RYR2: variants seen among roughly 807,000 people sequenced by gnomAD.
RYR2 encodes ryanodine receptor 2, also known as cardiac muscle ryanodine receptor-calcium release channel.
In RYR2, 227 loss-of-function variants were observed where a neutral mutation model predicts 601.1. The observed-to-expected ratio is 0.38, with a 90% CI of 0.34 to 0.42. RYR2 has a LOEUF of 0.42. Among genes scored for constraint, RYR2 ranks in the 10% least tolerant of loss-of-function variants. RYR2 has a pLI of 1.00. For synonymous variants in RYR2, 2,223 were observed against 2,175.1 expected, an observed-to-expected ratio of 1.02 and a Z score of -0.61; for missense variants, 4,646 against 6,156.5, an observed-to-expected ratio of 0.75 and a Z score of 8.21.
At chr1:237,723,983 A>G (rs1689973996) in intron 74 of RYR2, among the ~76,000 whole-genome samples, 1 of 151,884 alleles carries the variant, frequency 6.6e-6, no homozygotes, top group Non-Finnish European at 1.5e-5. Context: ...ACAGAGATAT[A>G]TTATCTATTT....
intron 21 of RYR2, among the ~76,000 whole-genome samples, chr1:237,502,767 C>T (rs1464354615): frequency 6.6e-6 from 1 of 151,554 alleles, no homozygotes; most frequent in East Asian, 1.9e-4. Context: ...GTTGGGGCCC[C>T]TGCTTCAGAG....
At chr1:237,335,449 C>A (rs545040948) in intron 3 of RYR2, among the ~76,000 whole-genome samples, 6 of 152,104 alleles carry the variant, frequency 3.9e-5, no homozygotes, top group South Asian at 4.1e-4. Flanking sequence ...ACTGAAAGTT[C>A]TTTTTCAAAT....
chr1:237,537,657 G>A (rs1427800697), intron 25 of RYR2, among the ~76,000 whole-genome samples: 1 of 152,008 alleles, frequency 6.6e-6, no homozygotes, highest in African/African-American at 2.4e-5. Flanking sequence ...ATACTATAGA[G>A]CAGTTAAAAT....
In RYR2 at chr1:237,655,918, T is replaced by G; in HGVS notation, c.8063T>G (p.Met2688Arg). 1 of 1,613,178 alleles carries G rather than the reference T, an allele frequency of 6.2e-7. No individual in the cohort carries two copies. Among genetic ancestry groups the G allele is most frequent in the Non-Finnish European group, 8.5e-7 (1 of 1,179,500 alleles). The change falls in exon 53 of 105, where the codon ATG becomes AGG. Residue 2688 changes from methionine to arginine, a missense_variant. Met to Arg is a moderately conservative substitution (Grantham distance 91, BLOSUM62 -1). Around this residue, in one of 17 missense-constraint regions of RYR2, gnomAD observed 1,497 missense variants for 1,842.6 expected, o/e 0.81. Coordinates refer to ENST00000366574, the MANE Select transcript of RYR2 (RefSeq NM_001035.3). The stretch of plus-strand genomic sequence containing the variant: ...TACATGGAGTCAAATTATGTCAGTA[T>G]GATGGAAAAACAGTCATCAATGGAT... ...PDYMESNYVS[M>R]MEKQSSMDSE...
At chr1:237,263,233 C>A (rs1318022050) in intron 1 of RYR2, among the ~76,000 whole-genome samples, 2 of 152,142 alleles carry the variant, frequency 1.3e-5, no homozygotes, top group Non-Finnish European at 2.9e-5. Context: ...TAAATAAGAT[C>A]TTACCTTGGC....
At chr1:237,307,227 C>T (rs754223328) in intron 2 of RYR2, among the ~76,000 whole-genome samples, 1 of 152,148 alleles carries the variant, frequency 6.6e-6, no homozygotes, top group African/African-American at 2.4e-5. Context: ...TTGCTCTTTA[C>T]ATCATGAGGA....
chr1:237,448,509 T>C (rs1657665000), intron 14 of RYR2, among the ~76,000 whole-genome samples: 1 of 152,150 alleles, frequency 6.6e-6, no homozygotes, highest in Non-Finnish European at 1.5e-5. Flanking sequence ...GTCAATTTAG[T>C]ATTATTTAGA....
At position 237,778,773 on chromosome 1, in the gene RYR2, AAACT is replaced by A. The variant is rs773240729; in HGVS notation, c.11880+12_11880+15del. 62 of 1,504,682 alleles carry A rather than the reference AAACT, an allele frequency of 4.1e-5. No homozygotes were observed. The highest frequency in any genetic ancestry group is 3.8e-4 in the East Asian group (17 of 44,414). The allele number at this position is 1,504,682 out of a possible 1,614,324, so 93.2% of individuals were successfully genotyped here. ...ATATGCAGATGAAGCTGTCGCAGGTAAACTAACTAACTGCCTTCCTCTCTCTTAA... is the reference window on the plus strand; with the variant it reads ...ATATGCAGATGAAGCTGTCGCAGGTAAACTAACTGCCTTCCTCTCTCTTAA... On this transcript the variant is annotated splice_donor_5th_base_variant and intron_variant, in intron 88 of 104. Transcript: ENST00000366574.
rs1034686449 is a variant in RYR2, at chr1:237,607,633, A to G, written c.4684-3129A>G. ...CTAATAGAATTTGTAGATGAATGGAATTCAGGATCTCAAGGAGACTGAGAA... is the reference window on the plus strand; with the variant it reads ...CTAATAGAATTTGTAGATGAATGGAGTTCAGGATCTCAAGGAGACTGAGAA... On this transcript the variant is annotated intron_variant, in intron 35 of 104. Transcript: ENST00000366574. Among the ~76,000 whole-genome samples the G allele has an allele frequency of 2.0e-5, 3 of 152,352 alleles. No homozygotes were observed. In the East Asian group the frequency reaches 5.8e-4, roughly 29 times the overall value.
At chr1:237,349,341 G>A (rs1266426616) in intron 3 of RYR2, among the ~76,000 whole-genome samples, 1 of 152,058 alleles carries the variant, frequency 6.6e-6, no homozygotes, top group Non-Finnish European at 1.5e-5. Context: ...CTGTATTATA[G>A]CCAGATAAAA....
In RYR2 at chr1:237,042,718, C is replaced by G. The variant is rs1660062922; in HGVS notation, c.48+149C>G. 4.2e-6 allele frequency: 3 copies of G among 720,478 alleles called. No homozygotes were observed. In the Admixed American group the frequency reaches 1.3e-4, roughly 32 times the overall value. 44.6% of individuals were successfully genotyped at this position (720,478 alleles called of 1,614,324 possible). A position where few individuals can be genotyped will look rare whatever the true frequency, so the allele number is the denominator to read the frequency against. The stretch of plus-strand genomic sequence containing the variant: ...AGGATGCGGGAGGAGCGGGCATCAC[C>G]AAGTGTGTGCAGGTGTGCGTGTTGG... On this transcript the variant is annotated intron_variant, in intron 1 of 104. Transcript: ENST00000366574.
intron 1 of RYR2, among the ~76,000 whole-genome samples, chr1:237,193,414 C>A (rs1052176270): frequency 1.3e-5 from 2 of 152,066 alleles, no homozygotes; most frequent in African/African-American, 4.8e-5. Context: ...GAGCAGAGAT[C>A]GCGCCACTGC....
At chr1:237,223,100 G>A (rs937846992) in intron 1 of RYR2, among the ~76,000 whole-genome samples, 1 of 152,086 alleles carries the variant, frequency 6.6e-6, no homozygotes, top group African/African-American at 2.4e-5. Context: ...CAAAACAACC[G>A]CTGTATTGTT....
chr1:237,110,916 G>A (rs1669397342), intron 1 of RYR2, among the ~76,000 whole-genome samples: 1 of 152,164 alleles, frequency 6.6e-6, no homozygotes, highest in Middle Eastern at 3.2e-3. Context: ...AACCCTGTGA[G>A]GTCAATTGTG....
Position 237,608,272 on chromosome 1 carries a change from C to T in RYR2, c.4684-2490C>T, listed in dbSNP as rs572050308. 1.4e-4 allele frequency among the ~76,000 whole-genome samples: 21 copies of T among 152,232 alleles called. No individual in the cohort carries two copies. In the East Asian group the frequency reaches 3.1e-3, roughly 22 times the overall value. On this transcript the variant is annotated intron_variant, in intron 35 of 104. Transcript: ENST00000366574. ...AAGAGACATTTTAGTAGACGCCAAGCGAGGATGGAGTTTTCTAAACAGGAG... is the reference window on the plus strand; with the variant it reads ...AAGAGACATTTTAGTAGACGCCAAGTGAGGATGGAGTTTTCTAAACAGGAG...
intron 1 of RYR2, among the ~76,000 whole-genome samples, chr1:237,170,790 C>T (rs955589631): frequency 4.0e-5 from 6 of 151,878 alleles, no homozygotes; most frequent in Admixed American, 1.3e-4. Flanking sequence ...AAACACAGAA[C>T]GTGTCTGAGC....
At chr1:237,300,087 T>C (rs1693200753) in intron 2 of RYR2, among the ~76,000 whole-genome samples, 1 of 152,160 alleles carries the variant, frequency 6.6e-6, no homozygotes. Flanking sequence ...TTCACTCACT[T>C]TTTGTTTGAA....
At chr1:237,435,379 A>G (rs1289203566) in intron 12 of RYR2, among the ~76,000 whole-genome samples, 5 of 152,070 alleles carry the variant, frequency 3.3e-5, no homozygotes, top group Non-Finnish European at 5.9e-5. Flanking sequence ...TAAGACTAAA[A>G]CCCTCTTTAG....
In RYR2 at chr1:237,386,554, T is replaced by C. The variant is rs183190571; in HGVS notation, c.577-727T>C. ...AAAACAGGTGGTTGCTCTATGTATG[T>C]TTGAAATTCTAGAGGCAGCCAAGTT... On this transcript the variant is annotated intron_variant, in intron 8 of 104. Coordinates refer to ENST00000366574, the MANE Select transcript of RYR2 (RefSeq NM_001035.3). 3.0e-4 allele frequency among the ~76,000 whole-genome samples: 46 copies of C among 152,346 alleles called. 1 individual carries two copies. The East Asian group carries it at 7.7e-3, about 26-fold the overall frequency.
Sources: gnomAD v4.1 joint callset for allele counts (sites outside exome capture counted in the v4.1 genomes callset) on GRCh38, gnomAD v4.1.1 for gene constraint, gnomAD v4.1.1 regional missense constraint, MANE v1.5 for transcripts, NCBI Gene and HGNC (gene_info 2026-07-23, HGNC 2026-07-21) for gene names.